Variants in UCMA observed in about 807,000 individuals in gnomAD.
UCMA encodes the protein upper zone of growth plate and cartilage matrix associated.
In UCMA, 21 loss-of-function variants were observed where a neutral mutation model predicts 21.8. The observed-to-expected ratio is 0.97, with a 90% confidence interval of 0.68 to 1.39. The LOEUF is 1.39. Ranked by LOEUF, UCMA falls within the 40% of genes most tolerant of loss-of-function variation. The probability of loss-of-function intolerance (pLI) is 0.00; values close to 1 mark genes in which losing one functional copy is unlikely to be tolerated. For missense variants in UCMA, 193 were observed against 178.9 expected (o/e 1.08, Z -0.45); for synonymous variants, 76 against 67.9 (o/e 1.12, Z -0.58).
intron 3 of UCMA, among the ~76,000 whole-genome samples, chr10:13,230,673 G>A (rs1044048834): frequency 2.0e-5 from 3 of 152,218 alleles, no homozygotes; most frequent in Admixed American, 6.5e-5. Flanking sequence ...AAGCAGAGAA[G>A]CTGGGGAAAG....
intron 1 of UCMA, 86 bp downstream of exon 1, chr10:13,234,115 G>A: frequency 7.6e-7 from 1 of 1,315,576 alleles, no homozygotes; most frequent in Admixed American, 2.5e-5. Context: ...CTTTCTACCT[G>A]CATCACCTGA....
chr10:13,231,801 C>T (rs1414098801), intron 3 of UCMA, among the ~76,000 whole-genome samples: 1 of 152,170 alleles, frequency 6.6e-6, no homozygotes, highest in East Asian at 1.9e-4. Context: ...CACCTTTATC[C>T]CAGAGGCTTA....
intron 2 of UCMA, 44 bp downstream of exon 2, chr10:13,233,691 G>A (rs10796042): frequency 5.6e-6 from 9 of 1,613,644 alleles, no homozygotes; most frequent in Admixed American, 1.7e-5. Flanking sequence ...CTGCTGCTTC[G>A]CTGGCTGCAC....
intron 4 of UCMA, among the ~76,000 whole-genome samples, chr10:13,228,110 A>G (rs1834848681): frequency 1.3e-5 from 2 of 151,166 alleles, no homozygotes; most frequent in Admixed American, 1.3e-4. Context: ...CCCAGGCTGG[A>G]GTGCGGTGGT....
At chr10:13,223,510 G>A (rs756327841) in intron 4 of UCMA, among the ~76,000 whole-genome samples, 18 of 152,134 alleles carry the variant, frequency 1.2e-4, no homozygotes, top group Non-Finnish European at 1.9e-4. Context: ...GACGCAAAAA[G>A]ATGAATAATG....
At chr10:13,231,812 G>A (rs11258277) in intron 3 of UCMA, among the ~76,000 whole-genome samples, 5 of 152,176 alleles carry the variant, frequency 3.3e-5, no homozygotes, top group Non-Finnish European at 5.9e-5. Context: ...CAGAGGCTTA[G>A]AGATGTCAGA....
At chr10:13,226,844 A>G (rs1169673885) in intron 4 of UCMA, among the ~76,000 whole-genome samples, 1 of 152,216 alleles carries the variant, frequency 6.6e-6, no homozygotes, top group Non-Finnish European at 1.5e-5. Flanking sequence ...GCAGGCGCCC[A>G]ACCCTGCATC....
chr10:13,234,319 T>C lies in UCMA; in HGVS notation c.-61A>G, dbSNP rs371291164. The stretch of plus-strand genomic sequence containing the variant: ...AGGCAGACCAGGCGTCCTGCACCCT[T>C]TGGGTCCCCACTTCTGAGGCAGGCA... On this transcript the variant is annotated 5_prime_UTR_variant, in exon 1 of 5. Coordinates refer to ENST00000378681, the MANE Select transcript of UCMA (RefSeq NM_145314.3). 1 of 1,574,816 alleles carries C rather than the reference T, an allele frequency of 6.3e-7. No homozygotes were observed. Among genetic ancestry groups the C allele is most frequent in the African/African-American group, 1.4e-5 (1 of 73,920 alleles).
rs186786998 is a variant in UCMA at position 13,231,506 on chromosome 10, T to G, written c.221-1797A>C. ...GTTGCTCCAAGCGCCAGAAAGCCGT[T>G]GTGGGAGGTGCGGGGGCTTAGGGTT... On this transcript the variant is annotated intron_variant, in intron 3 of 4. Coordinates refer to ENST00000378681, the MANE Select transcript of UCMA (RefSeq NM_145314.3). Among the ~76,000 whole-genome samples the G allele has an allele frequency of 2.9e-3, 449 of 152,256 alleles. 3 individuals are homozygous for G. Among genetic ancestry groups the G allele is most frequent in the African/African-American group, 0.01 (431 of 41,554 alleles).
intron 3 of UCMA, among the ~76,000 whole-genome samples, chr10:13,230,501 T>G (rs539858776): frequency 6.6e-6 from 1 of 152,148 alleles, no homozygotes; most frequent in African/African-American, 2.4e-5. Context: ...GAGAAACCCA[T>G]GAAGCCAGGG....
At chr10:13,230,885 C>G (rs950102541) in intron 3 of UCMA, among the ~76,000 whole-genome samples, 4 of 152,156 alleles carry the variant, frequency 2.6e-5, no homozygotes, top group Non-Finnish European at 5.9e-5. Context: ...GGCAAAACCC[C>G]ATCTCTACTA....
At chr10:13,225,278 A>C (rs566120488) in intron 4 of UCMA, among the ~76,000 whole-genome samples, 1 of 151,966 alleles carries the variant, frequency 6.6e-6, no homozygotes, top group South Asian at 2.1e-4. Flanking sequence ...TGGCCTCCAA[A>C]AGTCCTGGGA....
At chr10:13,227,091 G>C (rs1207706001) in intron 4 of UCMA, among the ~76,000 whole-genome samples, 2 of 152,090 alleles carry the variant, frequency 1.3e-5, no homozygotes, top group Non-Finnish European at 2.9e-5. Flanking sequence ...GTGATGGCCT[G>C]AAGTTTTCCC....
chr10:13,232,371 C>CAAAAAAAAAAA (rs34527224), intron 3 of UCMA, among the ~76,000 whole-genome samples: 1 of 69,586 alleles, frequency 1.4e-5, no homozygotes, highest in Non-Finnish European at 2.7e-5. Context: ...GACTCCATCT[C>CAAAAAAAAAAA]AAAAAAAAAA....
Position 13,221,951 on chromosome 10 carries a change from G to T in UCMA, c.*152C>A. 1.4e-6 allele frequency: 1 copy of T among 710,662 alleles called. No individual in the cohort carries two copies. The highest frequency in any genetic ancestry group is 2.4e-6 in the Non-Finnish European group (1 of 418,158). 44.0% of individuals were successfully genotyped at this position (710,662 alleles called of 1,614,324 possible). A position where few individuals can be genotyped will look rare whatever the true frequency, so the allele number is the denominator to read the frequency against. On this transcript the variant is annotated 3_prime_UTR_variant, in exon 5 of 5. Transcript: ENST00000378681. The stretch of plus-strand genomic sequence containing the variant: ...GTCAGGACACTTTCACACACTGGAA[G>T]GAAAGGCATGCGTCTTTTCAAGAGC...
intron 4 of UCMA, among the ~76,000 whole-genome samples, chr10:13,225,073 T>C (rs879858681): frequency 4.6e-5 from 7 of 152,012 alleles, no homozygotes; most frequent in Non-Finnish European, 1.0e-4. Flanking sequence ...GTTGTTTTTG[T>C]TTTTGAGACA....
At chr10:13,222,570 C>T (rs545075858) in intron 4 of UCMA, among the ~76,000 whole-genome samples, 1 of 152,260 alleles carries the variant, frequency 6.6e-6, no homozygotes, top group East Asian at 1.9e-4. Context: ...ACTGGAAGGA[C>T]ATGCAAGAAA....
chr10:13,233,934 A>G (rs1396039584), intron 1 of UCMA, 134 bp from the exon 2 acceptor site: 8 of 1,120,408 alleles, frequency 7.1e-6, no homozygotes, highest in Admixed American at 5.5e-5. Flanking sequence ...CTCACGTACC[A>G]GCTGCAGAGC....
intron 3 of UCMA, among the ~76,000 whole-genome samples, chr10:13,230,225 T>G (rs1417860194): frequency 6.6e-6 from 1 of 152,180 alleles, no homozygotes; most frequent in Non-Finnish European, 1.5e-5. Context: ...GGAGGGTTGC[T>G]TGAGGCCAGG....
Sources: gnomAD v4.1 joint callset for allele counts (sites outside exome capture counted in the v4.1 genomes callset) on GRCh38, gnomAD v4.1.1 for gene constraint, MANE v1.5 for transcripts, NCBI Gene and HGNC (gene_info 2026-07-23, HGNC 2026-07-21) for gene names.